The following CRIM1 variants were observed in gnomAD, a reference collection of about 807,000 sequenced individuals.
CRIM1 encodes the protein cysteine-rich motor neuron 1 protein.
Under a neutral mutation model 116.4 loss-of-function variants are expected in CRIM1, and 32 were observed. The ratio of observed to expected loss-of-function variants is 0.27; its 90% CI spans 0.21 to 0.37. The LOEUF is 0.37. CRIM1 is among the 10% of genes least tolerant of loss of function. The pLI, the probability that CRIM1 is intolerant of heterozygous loss-of-function variation, is 1.00. For missense variants in CRIM1, 1,331 were observed against 1,354.8 expected (o/e 0.98, Z 0.28); for synonymous variants, 590 against 509.2 (o/e 1.16, Z -2.13).
intron 1 of CRIM1, among the ~76,000 whole-genome samples, chr2:36,396,129 T>C (rs1264788514): frequency 1.3e-5 from 2 of 152,070 alleles, no homozygotes; most frequent in African/African-American, 4.8e-5. Context: ...AGGCTGGTCA[T>C]GAACTCCTGG....
chr2:36,540,038 C>T (rs747961309), intron 14 of CRIM1, among the ~76,000 whole-genome samples: 1 of 151,996 alleles, frequency 6.6e-6, no homozygotes, highest in Non-Finnish European at 1.5e-5. Flanking sequence ...TGAGCAGGTG[C>T]AGAGGGCCTA....
chr2:36,504,538 A>T (rs1178081601), intron 8 of CRIM1, among the ~76,000 whole-genome samples: 1 of 152,248 alleles, frequency 6.6e-6, no homozygotes, highest in African/African-American at 2.4e-5. Context: ...AACAAATAAC[A>T]TTCTTGTAAC....
At chr2:36,434,053 A>G (rs530890890) in intron 2 of CRIM1, among the ~76,000 whole-genome samples, 133 of 152,350 alleles carry the variant, frequency 8.7e-4, no homozygotes, top group Middle Eastern at 3.4e-3. Context: ...TCTTCACAGC[A>G]AAGCTTGCCA....
At chr2:36,397,405 G>A (rs1048589111) in intron 2 of CRIM1, among the ~76,000 whole-genome samples, 1 of 152,078 alleles carries the variant, frequency 6.6e-6, no homozygotes, top group Non-Finnish European at 1.5e-5. Context: ...TTGAATATAT[G>A]ACTCATCACC....
At chr2:36,453,112 C>A (rs1232588287) in intron 4 of CRIM1, among the ~76,000 whole-genome samples, 1 of 152,224 alleles carries the variant, frequency 6.6e-6, no homozygotes, top group Non-Finnish European at 1.5e-5. Flanking sequence ...TTTTACTCTT[C>A]ATGTACACCT....
At chr2:36,456,602 G>A (rs1029137688) in intron 4 of CRIM1, among the ~76,000 whole-genome samples, 4 of 152,162 alleles carry the variant, frequency 2.6e-5, no homozygotes, top group Non-Finnish European at 5.9e-5. Context: ...TAGACCTACG[G>A]AAGTGAAGGC....
At chr2:36,437,631 G>A (rs1675421438) in intron 2 of CRIM1, among the ~76,000 whole-genome samples, 1 of 152,136 alleles carries the variant, frequency 6.6e-6, no homozygotes, top group African/African-American at 2.4e-5. Context: ...CATTTAATAA[G>A]ATTTAACCTG....
chr2:36,371,905 T>G (rs1669970296), intron 1 of CRIM1, among the ~76,000 whole-genome samples: 1 of 152,152 alleles, frequency 6.6e-6, no homozygotes. Flanking sequence ...TCAACACACT[T>G]CAGATGACCA....
chr2:36,459,800 A>T (rs1677437038), intron 4 of CRIM1, among the ~76,000 whole-genome samples: 1 of 151,962 alleles, frequency 6.6e-6, no homozygotes, highest in African/African-American at 2.4e-5. Context: ...TTGTTGCTGG[A>T]GTGTAGGGTG....
intron 1 of CRIM1, among the ~76,000 whole-genome samples, chr2:36,382,288 T>C (rs1670839703): frequency 6.6e-6 from 1 of 152,230 alleles, no homozygotes; most frequent in African/African-American, 2.4e-5. Context: ...GGGAAAGGAA[T>C]AGAAACTATA....
chr2:36,393,554 G>A (rs910759250), intron 1 of CRIM1, among the ~76,000 whole-genome samples: 4 of 151,940 alleles, frequency 2.6e-5, no homozygotes, highest in African/African-American at 4.8e-5. Flanking sequence ...TTTGTCTACC[G>A]GGGAATTATG....
chr2:36,545,016 T>A (rs923491495), intron 15 of CRIM1, among the ~76,000 whole-genome samples: 1 of 152,196 alleles, frequency 6.6e-6, no homozygotes, highest in Non-Finnish European at 1.5e-5. Context: ...CTCTATCCTT[T>A]CAGTCTGTGC....
chr2:36,496,583 C>T (rs999901513), intron 7 of CRIM1, among the ~76,000 whole-genome samples: 6 of 152,162 alleles, frequency 3.9e-5, no homozygotes, highest in African/African-American at 1.2e-4. Context: ...ATATTTAACA[C>T]ACACATTGTA....
At chr2:36,486,903 G>A (rs865857685) in intron 7 of CRIM1, among the ~76,000 whole-genome samples, 1 of 151,926 alleles carries the variant, frequency 6.6e-6, no homozygotes, top group East Asian at 1.9e-4. Context: ...ACTTTTTTTG[G>A]ATGAGACAAC....
At chr2:36,368,177 G>T (rs1408594860) in intron 1 of CRIM1, among the ~76,000 whole-genome samples, 1 of 152,192 alleles carries the variant, frequency 6.6e-6, no homozygotes. Context: ...CAGTAATAGT[G>T]CATGAAAGGG....
chr2:36,396,954 G>C (rs1224058616), intron 2 of CRIM1, among the ~76,000 whole-genome samples, 167 bp downstream of exon 2: 1 of 152,180 alleles, frequency 6.6e-6, no homozygotes, highest in African/African-American at 2.4e-5. Flanking sequence ...TATGTGGTGG[G>C]TGTGTTTCCG....
In CRIM1 at chr2:36,439,857, T is replaced by C. The variant is rs74878020; in HGVS notation, c.506-1401T>C. Among the ~76,000 whole-genome samples the C allele has an allele frequency of 8.2e-3, 1,246 of 152,312 alleles. 49 individuals are homozygous for C. In the East Asian group the frequency reaches 0.088, roughly 11 times the overall value. The stretch of plus-strand genomic sequence containing the variant: ...AATGTTTGTTACTTATGTTCTGTCA[T>C]CCTCCACCACCATATCAACTAACAA... On this transcript the variant is annotated intron_variant, in intron 2 of 16. Coordinates refer to ENST00000280527, the MANE Select transcript of CRIM1 (RefSeq NM_016441.3).
chr2:36,547,147 T>C lies in CRIM1; in HGVS notation c.2910T>C (p.Leu970=), dbSNP rs1667408588. Residue 970 remains leucine (L), a synonymous_variant, in exon 16 of 17, where the codon CTT becomes CTC. Coordinates refer to ENST00000280527, the MANE Select transcript of CRIM1 (RefSeq NM_016441.3). ...INQKKQWIPL[L]CWYRTPTKPS... is the part of the protein sequence containing the mutation. ...AGAAGAAACAGTGGATACCACTGCT[T>C]TGCTGGTATCGAACACCAACTAAGG... 1.9e-6 allele frequency: 3 copies of C among 1,612,608 alleles called. No individual in the cohort carries two copies. Among genetic ancestry groups the C allele is most frequent in the Middle Eastern group, 1.7e-4 (1 of 6,042 alleles).
At chr2:36,378,082 C>T (rs1186211342) in intron 1 of CRIM1, among the ~76,000 whole-genome samples, 1 of 152,136 alleles carries the variant, frequency 6.6e-6, no homozygotes, top group Non-Finnish European at 1.5e-5. Context: ...GAGACTTTAC[C>T]CTTTCTAAAC....
Sources: gnomAD v4.1 joint callset for allele counts (sites outside exome capture counted in the v4.1 genomes callset) on GRCh38, gnomAD v4.1.1 for gene constraint, MANE v1.5 for transcripts, NCBI Gene and HGNC (gene_info 2026-07-23, HGNC 2026-07-21) for gene names.